Variants in KIAA0825 observed in about 807,000 individuals in gnomAD.
KIAA0825 encodes the protein uncharacterized protein KIAA0825.
In KIAA0825, 119 loss-of-function variants were observed where a neutral mutation model predicts 147.6. The observed-to-expected ratio is 0.81, with a 90% CI of 0.69 to 0.94. The LOEUF (loss-of-function observed/expected upper bound fraction) is 0.94. Ranked by LOEUF, KIAA0825 falls within the 40% of genes least tolerant of loss-of-function variation. The pLI is 0.00. For missense variants in KIAA0825, 1,381 were observed against 1,472.7 expected (o/e 0.94, Z 1.02); for synonymous variants, 470 against 518.1 (o/e 0.91, Z 1.26).
intron 20 of KIAA0825, among the ~76,000 whole-genome samples, chr5:94,179,346 T>C (rs1769392394): frequency 6.6e-6 from 1 of 152,026 alleles, no homozygotes; most frequent in African/African-American, 2.4e-5. Context: ...AATCTAACTA[T>C]ATTACAATTA....
At chr5:94,584,179 G>C (rs1782795939) in intron 1 of KIAA0825, among the ~76,000 whole-genome samples, 1 of 152,168 alleles carries the variant, frequency 6.6e-6, no homozygotes, top group Admixed American at 6.5e-5. Flanking sequence ...AAACTGGATG[G>C]AGAATGAGTT....
chr5:94,215,886 C>G (rs1773149079), intron 20 of KIAA0825, among the ~76,000 whole-genome samples: 2 of 152,140 alleles, frequency 1.3e-5, no homozygotes, highest in Non-Finnish European at 2.9e-5. Flanking sequence ...TGAGGACTCT[C>G]ATGACCAGAC....
chr5:94,222,166 G>T (rs1272446077), intron 20 of KIAA0825, among the ~76,000 whole-genome samples: 2 of 152,106 alleles, frequency 1.3e-5, no homozygotes, highest in African/African-American at 4.8e-5. Context: ...AGTCCAACTT[G>T]CCCATACTGA....
At chr5:94,404,863 G>A (rs1220679269) in intron 15 of KIAA0825, among the ~76,000 whole-genome samples, 1 of 152,122 alleles carries the variant, frequency 6.6e-6, no homozygotes, top group African/African-American at 2.4e-5. Context: ...TTTAGGAGGG[G>A]CTTCGGTGTC....
intron 2 of KIAA0825, among the ~76,000 whole-genome samples, chr5:94,548,482 GAGGA>G (rs1306349431): frequency 3.9e-5 from 6 of 152,014 alleles, no homozygotes; most frequent in Non-Finnish European, 5.9e-5. Flanking sequence ...AAAAGCAAGA[GAGGA>G]AGGAAGGAAA....
chr5:94,335,235 G>A (rs1781684950), intron 20 of KIAA0825, among the ~76,000 whole-genome samples: 1 of 152,166 alleles, frequency 6.6e-6, no homozygotes, highest in Admixed American at 6.5e-5. Flanking sequence ...GAGGTTTGGA[G>A]AGAAATTGCA....
chr5:94,424,172 T>C (rs1190225947), intron 14 of KIAA0825, among the ~76,000 whole-genome samples: 3 of 152,196 alleles, frequency 2.0e-5, no homozygotes, highest in East Asian at 3.8e-4. Flanking sequence ...AGTTTTATTC[T>C]GTGTTATTGA....
intron 1 of KIAA0825, among the ~76,000 whole-genome samples, chr5:94,602,830 C>A (rs1786746099): frequency 6.7e-6 from 1 of 148,464 alleles, no homozygotes; most frequent in East Asian, 2.0e-4. Context: ...CTCGGGTATG[C>A]CTTTTTTTTT....
At chr5:94,243,944 G>A (rs2150109034) in intron 20 of KIAA0825, among the ~76,000 whole-genome samples, 1 of 152,252 alleles carries the variant, frequency 6.6e-6, no homozygotes, top group South Asian at 2.1e-4. Context: ...TGGCTCTCCA[G>A]AGATATTTCA....
chr5:94,407,721 C>T (rs374265831), intron 15 of KIAA0825, among the ~76,000 whole-genome samples: 1 of 152,000 alleles, frequency 6.6e-6, no homozygotes, highest in Admixed American at 6.6e-5. Context: ...TTCTTTTTGG[C>T]GTGATTAAAA....
intron 20 of KIAA0825, among the ~76,000 whole-genome samples, chr5:94,253,980 ACT>A (rs1264208593): frequency 6.6e-6 from 1 of 151,880 alleles, no homozygotes; most frequent in Non-Finnish European, 1.5e-5. Context: ...TTGCCAATAG[ACT>A]CTTAGTGAGC....
Position 94,440,063 on chromosome 5 carries a change from G to T in KIAA0825, c.2416C>A (p.Pro806Thr), listed in dbSNP as rs777459977. The change falls in exon 14 of 21, where the codon CCA becomes ACA. Residue 806 changes from proline (P) to threonine (T), a missense_variant. By Grantham distance (38) the Pro-to-Thr change is conservative. Coordinates refer to ENST00000682413, the MANE Select transcript of KIAA0825 (RefSeq NM_001145678.3). ...AGAAGCAAGTTCCAGTTACAACGTGGCTGGGATAAGAGCAGTTTCAACTGA... is the reference window on the plus strand; with the variant it reads ...AGAAGCAAGTTCCAGTTACAACGTGTCTGGGATAAGAGCAGTTTCAACTGA... ...EGQLKLLLSQ[P>T]RCNWNLLLET... 68 of 1,551,404 alleles carry T rather than the reference G, an allele frequency of 4.4e-5. No individual in the cohort carries two copies. Among genetic ancestry groups the T allele is most frequent in the Non-Finnish European group, 5.5e-5 (63 of 1,146,778 alleles).
intron 20 of KIAA0825, among the ~76,000 whole-genome samples, chr5:94,291,203 A>T (rs979035952): frequency 1.3e-5 from 2 of 152,156 alleles, no homozygotes; most frequent in Admixed American, 1.3e-4. Flanking sequence ...GTCTCTGCCC[A>T]TGCCTATGTC....
intron 20 of KIAA0825, among the ~76,000 whole-genome samples, chr5:94,286,131 G>T (rs573372228): frequency 1.4e-4 from 22 of 152,222 alleles, no homozygotes; most frequent in Admixed American, 1.2e-3. Flanking sequence ...ATCAAGTATA[G>T]TGTCAACATG....
intron 1 of KIAA0825, among the ~76,000 whole-genome samples, chr5:94,605,765 T>A (rs1379161719): frequency 6.6e-6 from 1 of 152,138 alleles, no homozygotes; most frequent in African/African-American, 2.4e-5. Flanking sequence ...GGAACATACC[T>A]CAAAATAATA....
chr5:94,242,006 A>T (rs1301764514), intron 20 of KIAA0825, among the ~76,000 whole-genome samples: 1 of 152,226 alleles, frequency 6.6e-6, no homozygotes, highest in Non-Finnish European at 1.5e-5. Flanking sequence ...TAACTCATTT[A>T]TATGGAAAGA....
chr5:94,469,528 G>A (rs1205054089), intron 10 of KIAA0825, among the ~76,000 whole-genome samples: 1 of 152,092 alleles, frequency 6.6e-6, no homozygotes. Flanking sequence ...AAAAAAATAA[G>A]TATAAAGAAT....
At chr5:94,296,423 G>T (rs146255481) in intron 20 of KIAA0825, among the ~76,000 whole-genome samples, 265 of 152,122 alleles carry the variant, frequency 1.7e-3, no homozygotes, top group African/African-American at 6.0e-3. Context: ...ATTTTGTCTC[G>T]CTGGTGTTCC....
Position 94,153,924 on chromosome 5 carries a change from G to T in KIAA0825, c.*83C>A. ...GTTTCATGCTTCACAGCACATATGA[G>T]GTTCATTCTGACTATGGTAAAAAAT... On this transcript the variant is annotated 3_prime_UTR_variant, in exon 21 of 21. Coordinates refer to ENST00000682413, the MANE Select transcript of KIAA0825 (RefSeq NM_001145678.3). 2 of 882,494 alleles carry T rather than the reference G, an allele frequency of 2.3e-6. No homozygotes were observed. The highest frequency in any genetic ancestry group is 1.8e-6 in the Non-Finnish European group (1 of 545,232). The allele number at this position is 882,494 out of a possible 1,614,324, so 54.7% of individuals were successfully genotyped here.
Sources: allele counts gnomAD v4.1 joint callset (sites outside exome capture counted in the v4.1 genomes callset), GRCh38; gene constraint gnomAD v4.1.1; transcripts MANE v1.5; gene names NCBI Gene and HGNC (gene_info 2026-07-23, HGNC 2026-07-21).